Variants in PRKACB observed in about 807,000 individuals in gnomAD.
PRKACB encodes the protein cAMP-dependent protein kinase catalytic subunit beta.
PRKACB carries 16 observed loss-of-function variants against 51.4 expected under a neutral mutation model. The observed-to-expected ratio is 0.31, with a 90% confidence interval of 0.21 to 0.47. The LOEUF (loss-of-function observed/expected upper bound fraction) is 0.47. Among genes scored for constraint, PRKACB ranks in the 20% least tolerant of loss-of-function variants. The pLI is 1.00. For missense variants in PRKACB, 309 were observed against 464.5 expected (o/e 0.67, Z 3.08); for synonymous variants, 147 against 154.4 (o/e 0.95, Z 0.35).
At chr1:84,204,110 C>T (rs1371106059) in intron 8 of PRKACB, among the ~76,000 whole-genome samples, 2 of 151,956 alleles carry the variant, frequency 1.3e-5, no homozygotes, top group African/African-American at 4.8e-5. Context: ...TCTATCCAAT[C>T]ACCTAGAACA....
chr1:84,193,877 G>T (rs1667481335), intron 5 of PRKACB, among the ~76,000 whole-genome samples: 1 of 152,100 alleles, frequency 6.6e-6, no homozygotes, highest in Non-Finnish European at 1.5e-5. Context: ...ACTGAAACAG[G>T]ACTGATGATG....
At chr1:84,188,521 CA>C (rs1665842144) in intron 5 of PRKACB, among the ~76,000 whole-genome samples, 1 of 151,772 alleles carries the variant, frequency 6.6e-6, no homozygotes, top group Non-Finnish European at 1.5e-5. Context: ...TTACAATTAA[CA>C]AGTAAAATTA....
At chr1:84,095,945 C>G (rs1571559916) in intron 1 of PRKACB, among the ~76,000 whole-genome samples, 2 of 151,798 alleles carry the variant, frequency 1.3e-5, no homozygotes, top group East Asian at 1.9e-4. Flanking sequence ...GTGTGTTTTT[C>G]TATGGTATGT....
At position 84,202,943 on chromosome 1, in the gene PRKACB, A is replaced by G. The variant is rs202066525; in HGVS notation, c.906+138A>G. On this transcript the variant is annotated intron_variant, in intron 8 of 9. Coordinates refer to ENST00000370685, the MANE Select transcript of PRKACB (RefSeq NM_182948.4). ...AAAATCTACAGTTGCTGCTCTTACT[A>G]TCATAAGAATTGAATCATTTCAGTC... 1.6e-4 allele frequency: 126 copies of G among 783,646 alleles called. 1 individual carries two copies. In the East Asian group the frequency reaches 3.6e-3, roughly 22 times the overall value. 48.5% of individuals were successfully genotyped at this position (783,646 alleles called of 1,614,324 possible). A position where few individuals can be genotyped will look rare whatever the true frequency, so the allele number is the denominator to read the frequency against.
chr1:84,212,782 C>T lies in PRKACB; in HGVS notation c.907-1371C>T, dbSNP rs374159900. The stretch of plus-strand genomic sequence containing the variant: ...TATATATCCAGCACCTAAAATAGTG[C>T]CTGGCATATAGTAGGTATTCAATAA... On this transcript the variant is annotated intron_variant, in intron 8 of 9. Transcript: ENST00000370685. 5.4e-4 allele frequency among the ~76,000 whole-genome samples: 82 copies of T among 152,140 alleles called. 1 individual carries two copies. The South Asian group carries it at 0.017, about 31-fold the overall frequency.
At position 84,206,909 on chromosome 1, in the gene PRKACB, C is replaced by A. The variant is rs370108660; in HGVS notation, c.906+4104C>A. Among the ~76,000 whole-genome samples the A allele has an allele frequency of 5.3e-5, 8 of 152,190 alleles. No individual in the cohort carries two copies. In the East Asian group the frequency reaches 1.2e-3, roughly 22 times the overall value. The stretch of plus-strand genomic sequence containing the variant: ...GGCCTACTATGTTAAGTCTTTTCTA[C>A]ACACATTCGGTTTCCTAAATAACAT... On this transcript the variant is annotated intron_variant, in intron 8 of 9. Transcript: ENST00000370685.
intron 1 of PRKACB, among the ~76,000 whole-genome samples, chr1:84,165,597 A>AT (rs1657170262): frequency 1.3e-5 from 2 of 151,812 alleles, no homozygotes; most frequent in Admixed American, 1.3e-4. Flanking sequence ...GGGGGAAATA[A>AT]TTTTTTAGAA....
At chr1:84,216,358 TAA>T (rs888367652) in intron 9 of PRKACB, among the ~76,000 whole-genome samples, 1 of 151,624 alleles carries the variant, frequency 6.6e-6, no homozygotes, top group African/African-American at 2.4e-5. Context: ...AATAAATAAA[TAA>T]AGATTACAAA....
chr1:84,202,875 A>G (rs1410325316), intron 8 of PRKACB, 70 bp downstream of exon 8: 13 of 1,283,844 alleles, frequency 1.0e-5, no homozygotes, highest in Non-Finnish European at 1.3e-5. Context: ...AATTGAAACT[A>G]TATTGTGTCA....
At chr1:84,086,200 G>C in intron 1 of PRKACB, 1 of 1,597,690 alleles carries the variant, frequency 6.3e-7, no homozygotes, top group Non-Finnish European at 8.6e-7. Flanking sequence ...ATGAGGATCA[G>C]CTGGAGGCCT....
intron 1 of PRKACB, among the ~76,000 whole-genome samples, chr1:84,105,242 A>G (rs1210533890): frequency 6.6e-6 from 1 of 152,128 alleles, no homozygotes; most frequent in African/African-American, 2.4e-5. Flanking sequence ...ATTCTCTAGA[A>G]CAGAATACAA....
intron 1 of PRKACB, among the ~76,000 whole-genome samples, chr1:84,090,342 TTATAA>T (rs1300579620): frequency 6.6e-6 from 1 of 152,234 alleles, no homozygotes; most frequent in Non-Finnish European, 1.5e-5. Flanking sequence ...TCTTATTCTG[TTATAA>T]TAGAGGAGTT....
At chr1:84,209,277 G>A (rs1014141293) in intron 8 of PRKACB, among the ~76,000 whole-genome samples, 13 of 151,980 alleles carry the variant, frequency 8.6e-5, no homozygotes, top group African/African-American at 3.1e-4. Context: ...CCATACTCTT[G>A]TATCTAGTTT....
intron 1 of PRKACB, among the ~76,000 whole-genome samples, chr1:84,176,555 A>G (rs887832712): frequency 6.6e-6 from 1 of 151,778 alleles, no homozygotes; most frequent in African/African-American, 2.4e-5. Context: ...TTGCATCTAC[A>G]TAGTACACAT....
chr1:84,143,355 G>A (rs1390002705), upstream of PRKACB, among the ~76,000 whole-genome samples: 3 of 152,136 alleles, frequency 2.0e-5, no homozygotes, highest in African/African-American at 7.2e-5. Context: ...GGATGTCTGA[G>A]GGGCGAGAAT....
intron 5 of PRKACB, among the ~76,000 whole-genome samples, chr1:84,187,489 G>C (rs935413549): frequency 6.6e-6 from 1 of 152,090 alleles, no homozygotes; most frequent in Non-Finnish European, 1.5e-5. Context: ...AATGTCTCTG[G>C]CTATGGCTTT....
intron 1 of PRKACB, among the ~76,000 whole-genome samples, chr1:84,130,080 G>T (rs1422673810): frequency 6.7e-6 from 1 of 150,102 alleles, no homozygotes; most frequent in Admixed American, 6.7e-5. Flanking sequence ...GGCACCTGTA[G>T]TCCCAGCTGC....
intron 1 of PRKACB, among the ~76,000 whole-genome samples, chr1:84,081,840 C>A (rs1284036774): frequency 6.6e-6 from 1 of 152,142 alleles, no homozygotes; most frequent in Admixed American, 6.5e-5. Flanking sequence ...AATGTAGATT[C>A]TTTCATGACT....
At chr1:84,231,665 G>A (rs1675685261) in intron 9 of PRKACB, among the ~76,000 whole-genome samples, 2 of 152,064 alleles carry the variant, frequency 1.3e-5, no homozygotes, top group Admixed American at 6.6e-5. Flanking sequence ...TGTATGTGTC[G>A]AGGAATTTAT....
Sources: gnomAD v4.1 joint callset for allele counts (sites outside exome capture counted in the v4.1 genomes callset) on GRCh38, gnomAD v4.1.1 for gene constraint, MANE v1.5 for transcripts, NCBI Gene and HGNC (gene_info 2026-07-23, HGNC 2026-07-21) for gene names.